The following GRID2 variants were observed in gnomAD, a reference collection of about 807,000 sequenced individuals.
The protein encoded by GRID2 is glutamate receptor ionotropic, delta-2.
Under a neutral mutation model 114.8 loss-of-function variants are expected in GRID2, and 33 were observed. The observed-to-expected ratio is 0.29, with a 90% CI of 0.22 to 0.38. The LOEUF (loss-of-function observed/expected upper bound fraction) is 0.38, where lower values mean the gene tolerates loss of function less well. GRID2 is among the 10% of genes least tolerant of loss of function. The pLI is 1.00. For missense variants in GRID2, 1,184 were observed against 1,257.7 expected, an observed-to-expected ratio of 0.94 and a Z score of 0.89; for synonymous variants, 505 against 449.9, an observed-to-expected ratio of 1.12 and a Z score of -1.55.
intron 1 of GRID2, among the ~76,000 whole-genome samples, chr4:92,487,511 A>G (rs896114832): frequency 4.6e-5 from 7 of 152,178 alleles, no homozygotes; most frequent in East Asian, 3.9e-4. Flanking sequence ...TTTCCACTAG[A>G]TAATAGACTG....
At chr4:92,337,027 TG>T (rs994925271) in intron 1 of GRID2, among the ~76,000 whole-genome samples, 63 of 145,282 alleles carry the variant, frequency 4.3e-4, no homozygotes, top group Non-Finnish European at 7.2e-4. Context: ...AATTAAAATG[TG>T]GGGGTTCTTT....
rs371044490 is a variant in GRID2, at chr4:92,545,478, G to A, written c.89-44653G>A. Among the ~76,000 whole-genome samples the A allele has an allele frequency of 2.1e-4, 32 of 152,214 alleles. 1 individual carries two copies. The highest frequency in any genetic ancestry group is 1.7e-3 in the South Asian group (8 of 4,828). ...GTGAATTCAGGTTAAATTCTAAAAC[G>A]TCAGGTTGATTCTTTTTGTAAGCTT... On this transcript the variant is annotated intron_variant, in intron 1 of 15. Coordinates refer to ENST00000282020, the MANE Select transcript of GRID2 (RefSeq NM_001510.4).
chr4:93,725,134 TC>T (rs977563572), intron 14 of GRID2, among the ~76,000 whole-genome samples: 1 of 151,914 alleles, frequency 6.6e-6, no homozygotes, highest in Non-Finnish European at 1.5e-5. Context: ...CACTCACCCC[TC>T]CCCCCACCAA....
At chr4:92,986,011 T>G (rs890455180) in intron 2 of GRID2, among the ~76,000 whole-genome samples, 2 of 152,122 alleles carry the variant, frequency 1.3e-5, no homozygotes, top group African/African-American at 4.8e-5. Flanking sequence ...TTTCAAAAAA[T>G]GAAAGAAAAT....
At chr4:92,659,022 T>C (rs951459917) in intron 2 of GRID2, among the ~76,000 whole-genome samples, 1 of 136,360 alleles carries the variant, frequency 7.3e-6, no homozygotes, top group African/African-American at 2.6e-5. Flanking sequence ...TTTTCTACAC[T>C]CTAGTTGTTT....
intron 14 of GRID2, among the ~76,000 whole-genome samples, chr4:93,655,163 C>T (rs1261256546): frequency 1.3e-5 from 2 of 152,018 alleles, no homozygotes; most frequent in Non-Finnish European, 2.9e-5. Flanking sequence ...TAGGATTCCT[C>T]AAATTTCAAG....
At chr4:93,576,662 A>C (rs1045451950) in intron 13 of GRID2, among the ~76,000 whole-genome samples, 2 of 152,134 alleles carry the variant, frequency 1.3e-5, no homozygotes, top group Admixed American at 6.6e-5. Flanking sequence ...GTAGTTCACA[A>C]CACTTTTTTG....
At chr4:92,691,507 A>G (rs1224960764) in intron 2 of GRID2, among the ~76,000 whole-genome samples, 3 of 152,298 alleles carry the variant, frequency 2.0e-5, no homozygotes, top group African/African-American at 7.2e-5. Context: ...GGTCAGATGT[A>G]TGCAAGCAGA....
intron 2 of GRID2, among the ~76,000 whole-genome samples, chr4:92,610,463 TCTGCCCAC>T (rs1469448465): frequency 6.6e-6 from 1 of 151,704 alleles, no homozygotes; most frequent in Non-Finnish European, 1.5e-5. Context: ...GAAGTATCAT[TCTGCCCAC>T]CTTAGTAAGG....
chr4:92,398,063 A>T (rs1183036471), intron 1 of GRID2, among the ~76,000 whole-genome samples: 2 of 152,168 alleles, frequency 1.3e-5, no homozygotes, highest in African/African-American at 4.8e-5. Context: ...ACACAAAATA[A>T]TATATGCAGA....
chr4:93,757,315 T>C (rs185390799), intron 14 of GRID2, among the ~76,000 whole-genome samples: 1 of 152,356 alleles, frequency 6.6e-6, no homozygotes, highest in East Asian at 1.9e-4. Context: ...GTTCTCCCCA[T>C]ATTCATGCTC....
chr4:93,406,758 CT>C (rs1766474357), intron 9 of GRID2, among the ~76,000 whole-genome samples: 1 of 152,168 alleles, frequency 6.6e-6, no homozygotes, highest in South Asian at 2.1e-4. Context: ...ACACACCTTG[CT>C]ATTTCTGTGT....
At chr4:93,614,391 C>T (rs1269969923) in intron 13 of GRID2, among the ~76,000 whole-genome samples, 1 of 152,134 alleles carries the variant, frequency 6.6e-6, no homozygotes, top group Non-Finnish European at 1.5e-5. Flanking sequence ...TTCTTCCTGT[C>T]AATTATGCCA....
intron 4 of GRID2, among the ~76,000 whole-genome samples, chr4:93,189,877 G>A (rs369525869): frequency 6.6e-6 from 1 of 150,408 alleles, no homozygotes; most frequent in Non-Finnish European, 1.5e-5. Flanking sequence ...TGCTCCAAAA[G>A]TGTGTATAAA....
At chr4:92,325,377 G>C (rs1261769512) in intron 1 of GRID2, among the ~76,000 whole-genome samples, 5 of 151,812 alleles carry the variant, frequency 3.3e-5, no homozygotes, top group African/African-American at 1.2e-4. Context: ...TTTTCAGTCA[G>C]TATTAGCTTT....
At chr4:92,782,269 TG>T (rs1479579986) in intron 2 of GRID2, among the ~76,000 whole-genome samples, 1 of 152,086 alleles carries the variant, frequency 6.6e-6, no homozygotes, top group Non-Finnish European at 1.5e-5. Flanking sequence ...TCCTAATTTG[TG>T]CTAAAATTGT....
intron 13 of GRID2, among the ~76,000 whole-genome samples, chr4:93,569,581 A>G (rs1735743577): frequency 6.6e-6 from 1 of 152,320 alleles, no homozygotes; most frequent in Admixed American, 6.5e-5. Flanking sequence ...TTATGCTTCA[A>G]ATATTACCAC....
At chr4:92,981,058 C>A (rs1754179727) in intron 2 of GRID2, among the ~76,000 whole-genome samples, 1 of 152,036 alleles carries the variant, frequency 6.6e-6, no homozygotes. Context: ...TAATTCATTT[C>A]TGTCTCATTT....
chr4:93,419,074 C>CT (rs58832079), intron 9 of GRID2, among the ~76,000 whole-genome samples: 13,767 of 108,628 alleles, frequency 0.13, 984 homozygotes, highest in African/African-American at 0.19. Context: ...CATGATTTTC[C>CT]TTTTTTTTTT....
Sources: allele counts gnomAD v4.1 joint callset (sites outside exome capture counted in the v4.1 genomes callset), GRCh38; gene constraint gnomAD v4.1.1; transcripts MANE v1.5; gene names NCBI Gene and HGNC (gene_info 2026-07-23, HGNC 2026-07-21).